Variants in QPRT observed in about 807,000 individuals in gnomAD.
QPRT encodes the protein nicotinate-nucleotide pyrophosphorylase [carboxylating].
In QPRT, 17 loss-of-function variants were observed where a neutral mutation model predicts 19.8. The observed-to-expected ratio is 0.86, with a 90% CI of 0.59 to 1.29. The LOEUF (loss-of-function observed/expected upper bound fraction) is 1.29. QPRT is among the 50% of genes most tolerant of loss of function. The probability of loss-of-function intolerance (pLI) is 0.00; values close to 1 mark genes in which losing one functional copy is unlikely to be tolerated. For synonymous variants in QPRT, 178 were observed against 191.0 expected (o/e 0.93, Z 0.56); for missense variants, 336 against 405.1 (o/e 0.83, Z 1.46).
chr16:29,681,446 C>T (rs1181436789), intron 1 of QPRT, among the ~76,000 whole-genome samples: 1 of 147,394 alleles, frequency 6.8e-6, no homozygotes, highest in African/African-American at 2.5e-5. Flanking sequence ...AACACGGTTA[C>T]GCATTTTTCT....
rs567456696 is a variant in QPRT, at chr16:29,681,108, G to A, written c.13+1898G>A. Among the ~76,000 whole-genome samples the A allele has an allele frequency of 5.3e-5, 8 of 151,174 alleles. No individual in the cohort carries two copies. In the East Asian group the frequency reaches 9.9e-4, roughly 19 times the overall value. On this transcript the variant is annotated intron_variant, in intron 1 of 3. Transcript: ENST00000395384. ...ACCAGCTCTCAGGGGTCCCATGCAG[G>A]ATGCCACGCCAAACACCTTTCAATC... is the stretch of plus-strand genomic sequence containing the variant.
intron 1 of QPRT, among the ~76,000 whole-genome samples, chr16:29,686,649 T>C (rs1967170535): frequency 6.6e-6 from 1 of 152,012 alleles, no homozygotes; most frequent in Non-Finnish European, 1.5e-5. Context: ...GCGCTCGGCT[T>C]TTTATTTTTT....
chr16:29,680,919 C>A (rs12596940), intron 1 of QPRT, among the ~76,000 whole-genome samples: 2 of 151,756 alleles, frequency 1.3e-5, no homozygotes, highest in Non-Finnish European at 1.5e-5. Context: ...CCAGCCTGGG[C>A]GACAGAGCGA....
chr16:29,690,252 C>T (rs181116176), intron 1 of QPRT, among the ~76,000 whole-genome samples: 14 of 152,302 alleles, frequency 9.2e-5, no homozygotes, highest in Non-Finnish European at 1.5e-4. Context: ...GTATGTGTAC[C>T]ACACTTTCTT....
chr16:29,683,733 T>A (rs1322855201), intron 1 of QPRT, among the ~76,000 whole-genome samples: 1 of 152,106 alleles, frequency 6.6e-6, no homozygotes, highest in East Asian at 1.9e-4. Context: ...CCAACCTGGA[T>A]CCCTGGAAAC....
At position 29,694,701 on chromosome 16, in the gene QPRT, C is replaced by T; in HGVS notation, c.51C>T (p.Ala17=). The part of the protein sequence containing the change: ...ALLLPPVTLA[A]LVDSWLREDC... The stretch of plus-strand genomic sequence containing the variant: ...TGCTGCCGCCCGTCACCCTGGCAGC[C>T]CTGGTGGACAGCTGGCTCCGAGAGG... Residue 17 remains alanine, a synonymous_variant, in exon 2 of 4, where the codon GCC becomes GCT. Transcript: ENST00000395384. 1.3e-6 allele frequency: 2 copies of T among 1,565,072 alleles called. No homozygotes were observed. Among genetic ancestry groups the T allele is most frequent in the Non-Finnish European group, 1.7e-6 (2 of 1,153,430 alleles).
At chr16:29,679,166 C>A, upstream of QPRT, 1 of 1,613,880 alleles carries the variant, frequency 6.2e-7, no homozygotes, top group Non-Finnish European at 8.5e-7. Context: ...CCTGAGCAGC[C>A]AACACACCAG....
In QPRT at chr16:29,695,079, C is replaced by G; in HGVS notation, c.429C>G (p.Gly143=). The G allele has an allele frequency of 6.2e-7, 1 of 1,606,228 alleles. No individual in the cohort carries two copies. Among genetic ancestry groups the G allele is most frequent in the South Asian group, 1.1e-5 (1 of 90,560 alleles). Reference sequence around the variant, plus strand: ...CAGGCACGAGGAAGACCACGCCAGGCTTCCGGCTGGTGGAGAAGTATGGGC... The same window carrying G: ...CAGGCACGAGGAAGACCACGCCAGGGTTCCGGCTGGTGGAGAAGTATGGGC... ...HVAGTRKTTP[G]FRLVEKYGLL... is the part of the protein sequence containing the mutation. The change falls in exon 2 of 4, where the codon GGC becomes GGG. Residue 143 remains glycine (G), a synonymous_variant. Coordinates refer to ENST00000395384, the MANE Select transcript of QPRT (RefSeq NM_014298.6).
At chr16:29,685,830 C>T (rs1016609800) in intron 1 of QPRT, among the ~76,000 whole-genome samples, 2 of 151,952 alleles carry the variant, frequency 1.3e-5, no homozygotes, top group East Asian at 1.9e-4. Context: ...CGAGACCCCC[C>T]GTCTCTACTT....
intron 1 of QPRT, among the ~76,000 whole-genome samples, chr16:29,694,159 C>T (rs561456162): frequency 2.0e-5 from 3 of 151,584 alleles, no homozygotes; most frequent in African/African-American, 7.3e-5. Flanking sequence ...TACTCTGTCA[C>T]CCCGGCTGGA....
chr16:29,690,123 C>T (rs940335269), intron 1 of QPRT, among the ~76,000 whole-genome samples: 2 of 152,078 alleles, frequency 1.3e-5, no homozygotes, highest in African/African-American at 2.4e-5. Context: ...TGAGAACACG[C>T]GGTATTTGGT....
chr16:29,680,198 C>T (rs1966956536), intron 1 of QPRT, among the ~76,000 whole-genome samples: 1 of 151,992 alleles, frequency 6.6e-6, no homozygotes, highest in Admixed American at 6.6e-5. Context: ...CCTCGTGATC[C>T]GCCCGTCTCT....
At chr16:29,696,895 A>G in intron 2 of QPRT, 101 bp from the exon 3 acceptor site, 3 of 1,357,882 alleles carry the variant, frequency 2.2e-6, no homozygotes, top group Non-Finnish European at 2.9e-6. Context: ...CCCCAGCTGC[A>G]GTGCTGGGCC....
intron 1 of QPRT, among the ~76,000 whole-genome samples, chr16:29,691,066 AAG>A (rs1001843378): frequency 2.0e-5 from 3 of 152,110 alleles, no homozygotes; most frequent in Non-Finnish European, 4.4e-5. Context: ...CTGAAAAAAA[AAG>A]AAAAAAATCA....
At chr16:29,681,998 G>A (rs1967021471) in intron 1 of QPRT, among the ~76,000 whole-genome samples, 1 of 152,072 alleles carries the variant, frequency 6.6e-6, no homozygotes, top group African/African-American at 2.4e-5. Flanking sequence ...AAAGTGCTGG[G>A]ATTACAGGTG....
Position 29,694,936 on chromosome 16 carries a change from T to C in QPRT, c.286T>C (p.Cys96Arg). Residue 96 changes from cysteine to arginine, a missense_variant, in exon 2 of 4, where the codon TGC becomes CGC. Cys to Arg is a radical substitution (Grantham distance 180). Coordinates refer to ENST00000395384, the MANE Select transcript of QPRT (RefSeq NM_014298.6). ...RVAEVRGPAH[C>R]LLLGERVALN... is the part of the protein sequence containing the mutation. ...GGCCGAGGTCCGGGGCCCTGCCCAC[T>C]GCCTGCTGCTGGGGGAACGGGTGGC... 6 of 1,612,772 alleles carry C rather than the reference T, an allele frequency of 3.7e-6. No individual in the cohort carries two copies. The highest frequency in any genetic ancestry group is 5.1e-6 in the Non-Finnish European group (6 of 1,179,770).
intron 1 of QPRT, among the ~76,000 whole-genome samples, chr16:29,683,111 G>A (rs948111221): frequency 3.3e-5 from 5 of 149,808 alleles, no homozygotes; most frequent in Non-Finnish European, 5.9e-5. Context: ...TGCAACCTCC[G>A]CCTCCCAGAT....
intron 2 of QPRT, 46 bp downstream of exon 2, chr16:29,695,245 C>T (rs553043184): frequency 3.7e-5 from 54 of 1,459,812 alleles, no homozygotes; most frequent in Non-Finnish European, 4.4e-5. Context: ...CTCAGCACAC[C>T]CCTCCCCTCC....
chr16:29,689,418 G>T (rs939078730), intron 1 of QPRT, among the ~76,000 whole-genome samples: 27 of 152,192 alleles, frequency 1.8e-4, no homozygotes, highest in African/African-American at 6.5e-4. Context: ...TAAGTTCAGG[G>T]GTACATGTGC....
Sources: allele counts gnomAD v4.1 joint callset (sites outside exome capture counted in the v4.1 genomes callset), GRCh38; gene constraint gnomAD v4.1.1; transcripts MANE v1.5; gene names NCBI Gene and HGNC (gene_info 2026-07-23, HGNC 2026-07-21).